OR4Q3: variants seen among roughly 807,000 people sequenced by gnomAD.
OR4Q3 encodes the protein olfactory receptor family 4 subfamily Q member 3, also known as olfactory receptor 4Q3.
OR4Q3 carries 17 observed loss-of-function variants against 18.8 expected under a neutral mutation model. The observed-to-expected ratio is 0.91, with a 90% confidence interval of 0.62 to 1.36. OR4Q3 has a LOEUF of 1.36. Among genes scored for constraint, OR4Q3 ranks in the 40% most tolerant of loss-of-function variants. The probability of loss-of-function intolerance (pLI) is 0.00; values close to 1 mark genes in which losing one functional copy is unlikely to be tolerated. For missense variants in OR4Q3, 378 were observed against 373.4 expected (o/e 1.01, Z -0.10); for synonymous variants, 158 against 145.8 (o/e 1.08, Z -0.60).
chr14:19,751,998 C>T, downstream of OR4Q3, among the ~76,000 whole-genome samples: 2 of 152,186 alleles, frequency 1.3e-5, no homozygotes, highest in Non-Finnish European at 2.9e-5. Context: ...TAGACCCTTG[C>T]TTTTCAGCAT....
chr14:19,746,749 T>C, intron 1 of OR4Q3, among the ~76,000 whole-genome samples: 5 of 152,344 alleles, frequency 3.3e-5, no homozygotes, highest in Admixed American at 6.5e-5. Context: ...CCTAATATAT[T>C]TATTCATAGT....
chr14:19,749,704 T>C, downstream of OR4Q3, among the ~76,000 whole-genome samples: 80 of 150,764 alleles, frequency 5.3e-4, no homozygotes, highest in African/African-American at 1.8e-3. Flanking sequence ...TTTATCCCAA[T>C]TATACAGATT....
downstream of OR4Q3, among the ~76,000 whole-genome samples, chr14:19,750,428 A>C: frequency 6.6e-6 from 1 of 152,220 alleles, no homozygotes; most frequent in Non-Finnish European, 1.5e-5. Context: ...AAATGTGTTT[A>C]TTCTATTTAC....
At chr14:19,746,016 A>T in intron 1 of OR4Q3, among the ~76,000 whole-genome samples, 2 of 152,110 alleles carry the variant, frequency 1.3e-5, no homozygotes, top group Non-Finnish European at 2.9e-5. Flanking sequence ...TTATCTTGGA[A>T]TAACATCCTA....
chr14:19,751,758 G>T, downstream of OR4Q3, among the ~76,000 whole-genome samples: 1 of 138,702 alleles, frequency 7.2e-6, no homozygotes, highest in Non-Finnish European at 1.6e-5. Flanking sequence ...CTTTTTGACT[G>T]TACTCATTTG....
intron 1 of OR4Q3, among the ~76,000 whole-genome samples, chr14:19,747,064 C>T: frequency 6.6e-6 from 1 of 152,202 alleles, no homozygotes; most frequent in Non-Finnish European, 1.5e-5. Context: ...TGGAGCTAGG[C>T]ATTCAATCTA....
downstream of OR4Q3, among the ~76,000 whole-genome samples, chr14:19,750,673 G>A: frequency 6.6e-6 from 1 of 152,164 alleles, no homozygotes; most frequent in Non-Finnish European, 1.5e-5. Flanking sequence ...TTTGTGTTGG[G>A]AGTTAATGAC....
chr14:19,751,544 TTA>T, downstream of OR4Q3, among the ~76,000 whole-genome samples: 24 of 151,012 alleles, frequency 1.6e-4, no homozygotes, highest in Admixed American at 3.3e-4. Flanking sequence ...TTTTTTTTTT[TTA>T]AATTACTGAT....
chr14:19,746,298 G>A, intron 1 of OR4Q3, among the ~76,000 whole-genome samples: 1 of 152,136 alleles, frequency 6.6e-6, no homozygotes, highest in South Asian at 2.1e-4. Context: ...TGGAAGAAAT[G>A]TATCAATGTT....
downstream of OR4Q3, among the ~76,000 whole-genome samples, chr14:19,749,780 TTC>T: frequency 7.0e-4 from 78 of 111,596 alleles, no homozygotes; most frequent in African/African-American, 2.1e-3. Flanking sequence ...CTCTTTTTCT[TTC>T]TCTTTCTTTC....
chr14:19,745,632 A>C, intron 1 of OR4Q3, among the ~76,000 whole-genome samples: 19,032 of 148,998 alleles, frequency 0.13, 566 homozygotes, highest in South Asian at 0.23. Context: ...AAATTAGATC[A>C]ATAATTTTAA....
downstream of OR4Q3, among the ~76,000 whole-genome samples, chr14:19,749,866 CTTTCTTT>C: frequency 0.053 from 2,601 of 48,718 alleles, 56 homozygotes; most frequent in African/African-American, 0.14. Context: ...TTCTTTCTTT[CTTTCTTT>C]CTTTCTTTCT....
intron 1 of OR4Q3, among the ~76,000 whole-genome samples, chr14:19,746,582 T>C: frequency 6.6e-6 from 1 of 152,166 alleles, no homozygotes; most frequent in African/African-American, 2.4e-5. Flanking sequence ...CTTTTAATCA[T>C]TATCCTACTC....
intron 1 of OR4Q3, among the ~76,000 whole-genome samples, chr14:19,745,885 AT>A: frequency 6.6e-6 from 1 of 152,106 alleles, no homozygotes; most frequent in Admixed American, 6.6e-5. Context: ...CAGTTATGAG[AT>A]TATAGATTTA....
At chr14:19,748,788 C>T in exon 2 of OR4Q3, 1 of 174,306 alleles carries the variant, frequency 5.7e-6, no homozygotes, top group Admixed American at 5.7e-5. Flanking sequence ...CTTCTGATGT[C>T]TCATCAGATC....
At chr14:19,749,640 C>CAAAAAAAAA, downstream of OR4Q3, among the ~76,000 whole-genome samples, 41 of 107,508 alleles carry the variant, frequency 3.8e-4, no homozygotes, top group Admixed American at 7.1e-4. Flanking sequence ...AAAAAGAAAG[C>CAAAAAAAAA]AAGCTAATAA....
downstream of OR4Q3, among the ~76,000 whole-genome samples, chr14:19,749,803 TTTC>T: frequency 2.5e-5 from 2 of 81,364 alleles, no homozygotes; most frequent in Non-Finnish European, 6.1e-5. Flanking sequence ...TTTCTCTCTC[TTTC>T]TCTCTATTTC....
At chr14:19,748,465 G>T in exon 2 of OR4Q3, 1 of 880,122 alleles carries the variant, frequency 1.1e-6, no homozygotes, top group Non-Finnish European at 1.7e-6. Flanking sequence ...GATGACGTTG[G>T]TATAAAAGAG....
At chr14:19,749,113 C>T in exon 2 of OR4Q3, 1 of 152,282 alleles carries the variant, frequency 6.6e-6, no homozygotes, top group Non-Finnish European at 1.5e-5. Flanking sequence ...TAAGCTGGCT[C>T]TTCAACTGAC....
Sources: allele counts gnomAD v4.1 joint callset (sites outside exome capture counted in the v4.1 genomes callset), GRCh38; gene constraint gnomAD v4.1.1; transcripts MANE v1.5; gene names NCBI Gene and HGNC (gene_info 2026-07-23, HGNC 2026-07-21).